The following USH2A variants were observed in gnomAD, a reference collection of about 807,000 sequenced individuals.
USH2A encodes the protein usherin.
In USH2A, 443 loss-of-function variants were observed where a neutral mutation model predicts 538.9. The ratio of observed to expected loss-of-function variants is 0.82; its 90% CI spans 0.76 to 0.89. USH2A has a LOEUF of 0.89. USH2A is among the 40% of genes least tolerant of loss of function. The pLI, the probability that USH2A is intolerant of heterozygous loss-of-function variation, is 0.00. For synonymous variants in USH2A, 2,413 were observed against 2,273.5 expected (o/e 1.06, Z -1.75); for missense variants, 6,633 against 6,324.8 (o/e 1.05, Z -1.65).
rs1655865551 is a variant in USH2A at position 215,623,243 on chromosome 1, G to A, written c.*2538C>T. 1 of 151,946 alleles carries A rather than the reference G, an allele frequency of 6.6e-6. No homozygotes were observed. The highest frequency in any genetic ancestry group is 1.5e-5 in the Non-Finnish European group (1 of 67,980). 9.4% of individuals were successfully genotyped at this position (151,946 alleles called of 1,614,324 possible). ...AGCTGAGAATGTGGCATGTACAATT[G>A]GTAAAATGTGAGTCAGGAGATTTAA... On this transcript the variant is annotated 3_prime_UTR_variant, in exon 72 of 72. Transcript: ENST00000307340.
chr1:216,116,513 T>G (rs1488182627), intron 21 of USH2A, among the ~76,000 whole-genome samples: 1 of 152,060 alleles, frequency 6.6e-6, no homozygotes, highest in Non-Finnish European at 1.5e-5. Flanking sequence ...ACTCTGGGGT[T>G]TTACACCAAA....
At chr1:216,273,699 A>T (rs1181413107) in intron 11 of USH2A, among the ~76,000 whole-genome samples, 1 of 151,878 alleles carries the variant, frequency 6.6e-6, no homozygotes, top group African/African-American at 2.4e-5. Context: ...TATTTTTAGG[A>T]GATATTATCA....
intron 70 of USH2A, 149 bp from the exon 71 acceptor site, chr1:215,629,184 A>G: frequency 1.1e-6 from 1 of 882,000 alleles, no homozygotes; most frequent in Non-Finnish European, 1.8e-6. Context: ...ACTGTCACCT[A>G]CAGAATTTAG....
intron 30 of USH2A, among the ~76,000 whole-genome samples, chr1:216,056,810 G>A (rs868201188): frequency 1.4e-3 from 212 of 152,182 alleles, no homozygotes; most frequent in African/African-American, 4.9e-3. Flanking sequence ...GTGTGAGAGA[G>A]AGAGATTGGG....
chr1:216,074,386 C>T (rs1156702550), intron 27 of USH2A, among the ~76,000 whole-genome samples: 1 of 151,950 alleles, frequency 6.6e-6, no homozygotes, highest in African/African-American at 2.4e-5. Context: ...AGGCCTCAAA[C>T]ACATGATCAG....
chr1:215,962,754 GTACTT>G (rs142293971), intron 37 of USH2A, among the ~76,000 whole-genome samples: 2,478 of 152,182 alleles, frequency 0.016, 31 homozygotes, highest in Non-Finnish European at 0.022. Flanking sequence ...AACAGGCTTG[GTACTT>G]TACTTCCTTT....
At chr1:215,900,670 C>T (rs1362184793) in intron 39 of USH2A, 85 bp downstream of exon 39, 1 of 1,574,718 alleles carries the variant, frequency 6.4e-7, no homozygotes, top group Non-Finnish European at 8.7e-7. Flanking sequence ...ATATTTTTTG[C>T]AAATGAGAAC....
intron 61 of USH2A, among the ~76,000 whole-genome samples, chr1:215,718,783 C>T (rs78295398): frequency 0.034 from 5,173 of 152,288 alleles, 273 homozygotes; most frequent in African/African-American, 0.12. Context: ...TACTTTCCAT[C>T]TGTGACAAGA....
chr1:216,253,115 C>T (rs1335094462), intron 11 of USH2A, among the ~76,000 whole-genome samples: 1 of 150,678 alleles, frequency 6.6e-6, no homozygotes, highest in African/African-American at 2.4e-5. Flanking sequence ...AATAAAAGTG[C>T]AAAACCTTTA....
At chr1:215,715,733 C>T (rs570141430) in intron 61 of USH2A, among the ~76,000 whole-genome samples, 8 of 152,272 alleles carry the variant, frequency 5.3e-5, no homozygotes, top group African/African-American at 1.4e-4. Flanking sequence ...TTGTAAAACA[C>T]GCTGCTGGCA....
At chr1:216,121,941 G>C (rs1236206894) in intron 21 of USH2A, among the ~76,000 whole-genome samples, 2 of 152,138 alleles carry the variant, frequency 1.3e-5, no homozygotes, top group African/African-American at 2.4e-5. Context: ...AATAAGGCAA[G>C]TTTGTACTAA....
intron 48 of USH2A, among the ~76,000 whole-genome samples, chr1:215,814,514 A>T (rs922898354): frequency 2.6e-5 from 4 of 152,072 alleles, no homozygotes; most frequent in African/African-American, 9.7e-5. Context: ...AGCATGAAAG[A>T]TTGGAGAGAA....
In USH2A at chr1:215,965,463, A is replaced by AGAG; in HGVS notation, c.6971_6973dup (p.Thr2324_Leu2325insPro). On this transcript the variant is annotated inframe_insertion, in exon 37 of 72. Coordinates refer to ENST00000307340, the MANE Select transcript of USH2A (RefSeq NM_206933.4). ...TACTGTTCCTTCAGGAGGAGCTTCTAGAGTTCGATTTTCCACCTGTGAGTA... is the reference window on the plus strand; with the variant it reads ...TACTGTTCCTTCAGGAGGAGCTTCTAGAGGAGTTCGATTTTCCACCTGTGAGTA... 6.2e-7 allele frequency: 1 copy of AGAG among 1,613,686 alleles called. No homozygotes were observed. The highest frequency in any genetic ancestry group is 2.2e-5 in the East Asian group (1 of 44,860).
chr1:215,932,307 T>G (rs544167238), intron 38 of USH2A, among the ~76,000 whole-genome samples: 1 of 152,054 alleles, frequency 6.6e-6, no homozygotes, highest in South Asian at 2.1e-4. Context: ...CATTTCAGAA[T>G]GAAACACAGT....
At chr1:215,927,419 A>C (rs1247376664) in intron 38 of USH2A, among the ~76,000 whole-genome samples, 1 of 152,168 alleles carries the variant, frequency 6.6e-6, no homozygotes, top group Non-Finnish European at 1.5e-5. Flanking sequence ...ACACTCCAAG[A>C]AAACAACTTG....
At chr1:216,340,501 A>G (rs2038056553) in intron 4 of USH2A, among the ~76,000 whole-genome samples, 2 of 151,058 alleles carry the variant, frequency 1.3e-5, no homozygotes, top group South Asian at 4.2e-4. Flanking sequence ...TGAGGCCAGC[A>G]TCATCCTGAT....
Position 215,820,161 on chromosome 1 carries a change from T to A in USH2A, c.9372-2966A>T, listed in dbSNP as rs190658167. On this transcript the variant is annotated intron_variant, in intron 47 of 71. Transcript: ENST00000307340. ...TTTGTTCATGAAATAACTGTTATAG[T>A]TTTTTTTAGATTTTAAAGTAATAGG... Among the ~76,000 whole-genome samples the A allele has an allele frequency of 3.1e-4, 46 of 150,708 alleles. No homozygotes were observed. The East Asian group carries it at 7.7e-3, about 25-fold the overall frequency.
intron 14 of USH2A, among the ~76,000 whole-genome samples, chr1:216,231,527 A>G (rs1210176845): frequency 2.1e-5 from 3 of 144,572 alleles, no homozygotes; most frequent in African/African-American, 7.5e-5. Flanking sequence ...GTCACGGAAC[A>G]AAAAACATAT....
At chr1:215,693,456 C>G in intron 61 of USH2A, among the ~76,000 whole-genome samples, 1 of 152,082 alleles carries the variant, frequency 6.6e-6, no homozygotes, top group East Asian at 1.9e-4. Flanking sequence ...TACCTAGAGT[C>G]ATACTGCTGA....
Sources: allele counts gnomAD v4.1 joint callset (sites outside exome capture counted in the v4.1 genomes callset), GRCh38; gene constraint gnomAD v4.1.1; transcripts MANE v1.5; gene names NCBI Gene and HGNC (gene_info 2026-07-23, HGNC 2026-07-21).